Variants in PCDH9 observed in about 807,000 individuals in gnomAD.
PCDH9 encodes protocadherin-9.
PCDH9 carries 24 observed loss-of-function variants against 70.6 expected under a neutral mutation model. That is an observed-to-expected ratio of 0.34 (90% CI 0.25 to 0.48). PCDH9 has a LOEUF of 0.48. PCDH9 is among the 20% of genes least tolerant of loss of function. The probability of loss-of-function intolerance (pLI) is 0.99; values close to 1 mark genes in which losing one functional copy is unlikely to be tolerated. For missense variants in PCDH9, 1,281 were observed against 1,503.6 expected (o/e 0.85, Z 2.45); for synonymous variants, 562 against 558.5 (o/e 1.01, Z -0.09).
intron 4 of PCDH9, among the ~76,000 whole-genome samples, chr13:66,599,564 T>A (rs1012523862): frequency 6.7e-6 from 1 of 149,688 alleles, no homozygotes; most frequent in Non-Finnish European, 1.5e-5. Context: ...TTTTTTTTTT[T>A]GAGAGAGGGT....
At chr13:66,677,873 T>A (rs1286705297) in intron 3 of PCDH9, among the ~76,000 whole-genome samples, 1 of 152,150 alleles carries the variant, frequency 6.6e-6, no homozygotes, top group African/African-American at 2.4e-5. Flanking sequence ...GAAGCACATA[T>A]AATATTGAAT....
At chr13:66,956,515 G>T (rs994611201) in intron 2 of PCDH9, among the ~76,000 whole-genome samples, 1 of 152,176 alleles carries the variant, frequency 6.6e-6, no homozygotes, top group Non-Finnish European at 1.5e-5. Flanking sequence ...AATTTGGGAG[G>T]CTGAGGCGGG....
chr13:67,167,826 TATACTC>T (rs770926888), intron 2 of PCDH9, among the ~76,000 whole-genome samples: 1 of 152,304 alleles, frequency 6.6e-6, no homozygotes, highest in African/African-American at 2.4e-5. Flanking sequence ...TGTCTGGAGT[TATACTC>T]ATAACCCAAT....
At chr13:67,068,513 A>G (rs2085696240) in intron 2 of PCDH9, among the ~76,000 whole-genome samples, 1 of 152,258 alleles carries the variant, frequency 6.6e-6, no homozygotes, top group East Asian at 1.9e-4. Context: ...TAATCATAAT[A>G]CCTTTAAGAG....
intron 2 of PCDH9, among the ~76,000 whole-genome samples, chr13:66,964,296 AAG>A (rs1343050804): frequency 6.6e-6 from 1 of 151,752 alleles, no homozygotes; most frequent in African/African-American, 2.4e-5. Flanking sequence ...CCTCTAAGAC[AAG>A]GGTAAGCATA....
intron 3 of PCDH9, among the ~76,000 whole-genome samples, chr13:66,862,587 T>C (rs2081503064): frequency 6.6e-6 from 1 of 152,252 alleles, no homozygotes; most frequent in South Asian, 2.1e-4. Flanking sequence ...TAGATGTATT[T>C]TACTTTTGCT....
intron 4 of PCDH9, among the ~76,000 whole-genome samples, chr13:66,315,150 C>T (rs1486365771): frequency 1.3e-5 from 2 of 152,176 alleles, no homozygotes; most frequent in Non-Finnish European, 2.9e-5. Context: ...TCGCACACAA[C>T]AGGTGTCTCT....
chr13:66,912,245 G>A (rs373928435), intron 2 of PCDH9, among the ~76,000 whole-genome samples: 25 of 152,142 alleles, frequency 1.6e-4, no homozygotes, highest in African/African-American at 5.1e-4. Context: ...CTACTGTTGC[G>A]TTTCATTTTC....
intron 3 of PCDH9, among the ~76,000 whole-genome samples, chr13:66,835,739 G>T (rs1429919928): frequency 6.6e-6 from 1 of 152,074 alleles, no homozygotes; most frequent in Admixed American, 6.5e-5. Flanking sequence ...TCTTTGGCAT[G>T]AAAAGTATTA....
chr13:67,072,935 T>C (rs1338366759), intron 2 of PCDH9, among the ~76,000 whole-genome samples: 4 of 152,176 alleles, frequency 2.6e-5, no homozygotes, highest in Admixed American at 2.6e-4. Context: ...TTTATTTTTG[T>C]TCTTCCAACA....
chr13:66,395,825 A>G (rs1484894545), intron 4 of PCDH9, among the ~76,000 whole-genome samples: 4 of 152,188 alleles, frequency 2.6e-5, no homozygotes, highest in Non-Finnish European at 5.9e-5. Flanking sequence ...AAATGCTCTT[A>G]TAGTATCTTT....
intron 4 of PCDH9, among the ~76,000 whole-genome samples, chr13:66,311,551 G>T (rs983368189): frequency 1.3e-5 from 2 of 151,880 alleles, no homozygotes; most frequent in African/African-American, 4.8e-5. Context: ...TCTACTCTAT[G>T]TTCTATATTT....
chr13:66,649,827 G>A (rs564573086), intron 3 of PCDH9, among the ~76,000 whole-genome samples: 52 of 152,104 alleles, frequency 3.4e-4, no homozygotes, highest in Non-Finnish European at 5.0e-4. Flanking sequence ...GTGGGGCAAA[G>A]TTAAAGTGTA....
chr13:66,499,522 T>C (rs1959166087), intron 4 of PCDH9, among the ~76,000 whole-genome samples: 1 of 152,188 alleles, frequency 6.6e-6, no homozygotes, highest in Non-Finnish European at 1.5e-5. Context: ...ATGGAGACAA[T>C]GCTGTTGGAG....
intron 3 of PCDH9, among the ~76,000 whole-genome samples, chr13:66,651,625 AAATAGATGAGGAAG>A (rs966699870): frequency 3.0e-4 from 46 of 152,074 alleles, no homozygotes; most frequent in Non-Finnish European, 6.5e-4. Context: ...CTATTCCAAA[AAATAGATGAGGAAG>A]GAATGCTTCC....
chr13:67,000,723 T>A (rs999036757), intron 2 of PCDH9, among the ~76,000 whole-genome samples: 1 of 152,178 alleles, frequency 6.6e-6, no homozygotes. Context: ...AATATTTCTT[T>A]GTGCAGTAAG....
chr13:66,622,656 G>A (rs1004648121), intron 4 of PCDH9, among the ~76,000 whole-genome samples: 1 of 152,246 alleles, frequency 6.6e-6, no homozygotes, highest in East Asian at 1.9e-4. Flanking sequence ...ACCTTTGTGT[G>A]TAGCTCAGGG....
intron 3 of PCDH9, among the ~76,000 whole-genome samples, chr13:66,736,746 G>A (rs1376141190): frequency 6.6e-6 from 1 of 152,158 alleles, no homozygotes; most frequent in Non-Finnish European, 1.5e-5. Flanking sequence ...TTATCTTGAA[G>A]ATGCTTACAA....
In PCDH9 at chr13:66,303,540, T is replaced by G. The variant is rs2138046226; in HGVS notation, c.*1115A>C. 1 of 152,632 alleles carries G rather than the reference T, an allele frequency of 6.6e-6. No homozygotes were observed. Among genetic ancestry groups the G allele is most frequent in the Non-Finnish European group, 1.5e-5 (1 of 67,978 alleles). 9.5% of individuals were successfully genotyped at this position (152,632 alleles called of 1,614,324 possible). A position where few individuals can be genotyped will look rare whatever the true frequency, so the allele number is the denominator to read the frequency against. ...ACAACAACATTATTGTATATGAGGA[T>G]CAACACAGACTCTGCCATTTCAACA... On this transcript the variant is annotated 3_prime_UTR_variant, in exon 5 of 5. Transcript: ENST00000377865.
Sources: allele counts gnomAD v4.1 joint callset (sites outside exome capture counted in the v4.1 genomes callset), GRCh38; gene constraint gnomAD v4.1.1; transcripts MANE v1.5; gene names NCBI Gene and HGNC (gene_info 2026-07-23, HGNC 2026-07-21).